HSDL1: variants seen among roughly 807,000 people sequenced by gnomAD.
HSDL1 encodes the protein inactive hydroxysteroid dehydrogenase-like protein 1.
Under a neutral mutation model 31.5 loss-of-function variants are expected in HSDL1, and 29 were observed. The ratio of observed to expected loss-of-function variants is 0.92; its 90% CI spans 0.69 to 1.26. The LOEUF (loss-of-function observed/expected upper bound fraction) is 1.26. Ranked by LOEUF, HSDL1 falls within the 50% of genes most tolerant of loss-of-function variation. HSDL1 has a pLI of 0.00. For missense variants in HSDL1, 503 were observed against 416.6 expected (o/e 1.21, Z -1.81); for synonymous variants, 222 against 155.2 (o/e 1.43, Z -3.20).
intron 1 of HSDL1, among the ~76,000 whole-genome samples, chr16:84,142,101 T>G (rs539431333): frequency 7.2e-4 from 109 of 152,256 alleles, no homozygotes; most frequent in African/African-American, 2.3e-3. Context: ...TAAATTTTTT[T>G]TGTGTGTGTA....
At chr16:84,135,817 C>T (rs545846820) in intron 1 of HSDL1, among the ~76,000 whole-genome samples, 3 of 152,376 alleles carry the variant, frequency 2.0e-5, no homozygotes, top group African/African-American at 7.2e-5. Flanking sequence ...CTGCTGGGGG[C>T]ACAGTCCATG....
rs144090929 is a variant in HSDL1 at position 84,123,680 on chromosome 16, A to G, written c.*950T>C. ...TCAATAATGCTACTGGAATGGAATA[A>G]TATTACATAGAAAAACGTAGGAAAA... On this transcript the variant is annotated 3_prime_UTR_variant, in exon 6 of 6. Coordinates refer to ENST00000219439, the MANE Select transcript of HSDL1 (RefSeq NM_031463.5). 5.4e-4 allele frequency: 83 copies of G among 152,772 alleles called. No homozygotes were observed. The highest frequency in any genetic ancestry group is 1.9e-3 in the African/African-American group (80 of 41,576). 9.5% of individuals were successfully genotyped at this position (152,772 alleles called of 1,614,324 possible).
chr16:84,140,854 A>G (rs1033795315), intron 1 of HSDL1, among the ~76,000 whole-genome samples: 1 of 152,120 alleles, frequency 6.6e-6, no homozygotes, highest in Non-Finnish European at 1.5e-5. Context: ...CTGTAATCCC[A>G]GCACTTTGGG....
Position 84,131,287 on chromosome 16 carries a change from C to T in HSDL1, c.35G>A (p.Arg12Lys). 1 of 1,614,150 alleles carries T rather than the reference C, an allele frequency of 6.2e-7. No homozygotes were observed. The highest frequency in any genetic ancestry group is 8.5e-7 in the Non-Finnish European group (1 of 1,180,032). The change falls in exon 3 of 6, where the codon AGG (arginine) becomes AAG (lysine). Residue 12 changes from arginine (R) to lysine (K), a missense_variant. By Grantham distance (26) the Arg-to-Lys change is conservative. Transcript: ENST00000219439. The stretch of plus-strand genomic sequence containing the variant: ...GCAATTGCAAGACCTGGCGATTTCC[C>T]TGTACAAGAGGTAGAAACTGTCAAC... ...AAVDSFYLLYREIARSCNCYM... is the reference protein window; with the variant it reads ...AAVDSFYLLYKEIARSCNCYM...
intron 1 of HSDL1, among the ~76,000 whole-genome samples, chr16:84,136,286 T>C (rs919080595): frequency 6.6e-6 from 1 of 151,682 alleles, no homozygotes; most frequent in South Asian, 2.1e-4. Flanking sequence ...AAGGAGGAAA[T>C]GAAAGGAAAC....
chr16:84,127,369 C>T (rs777399433), intron 5 of HSDL1, among the ~76,000 whole-genome samples: 1 of 151,934 alleles, frequency 6.6e-6, no homozygotes, highest in Non-Finnish European at 1.5e-5. Context: ...GCGTGCACCA[C>T]CATGACCAGT....
chr16:84,135,574 G>A lies in HSDL1; in HGVS notation c.-37C>T, dbSNP rs1012393542. On this transcript the variant is annotated 5_prime_UTR_variant, in exon 2 of 6. Transcript: ENST00000219439. ...CTCTGCCAGTTCTGGGCCGTCAGCA[G>A]TATGTGGCTCCGTCCTTCTCTTAAG... is the stretch of plus-strand genomic sequence containing the variant. 10 of 152,366 alleles carry A rather than the reference G, an allele frequency of 6.6e-5. No individual in the cohort carries two copies. Among genetic ancestry groups the A allele is most frequent in the African/African-American group, 2.4e-4 (10 of 41,568 alleles). The allele number at this position is 152,366 out of a possible 1,614,324, so 9.4% of individuals were successfully genotyped here. A position where few individuals can be genotyped will look rare whatever the true frequency, so the allele number is the denominator to read the frequency against.
chr16:84,126,102 C>CAA (rs144379672), intron 5 of HSDL1, among the ~76,000 whole-genome samples: 3 of 102,598 alleles, frequency 2.9e-5, no homozygotes, highest in Non-Finnish European at 2.0e-5. Flanking sequence ...AACTCTGTCT[C>CAA]AAAAAAAAAA....
chr16:84,135,360 G>A (rs190230867), intron 2 of HSDL1, among the ~76,000 whole-genome samples, 184 bp downstream of exon 2: 2 of 144,996 alleles, frequency 1.4e-5, no homozygotes, highest in African/African-American at 2.6e-5. Flanking sequence ...TAAGGCTCTC[G>A]CTACAAAAAG....
chr16:84,130,520 A>T lies in HSDL1; in HGVS notation c.221-89T>A, dbSNP rs935570845. On this transcript the variant is annotated intron_variant, in intron 3 of 5. Transcript: ENST00000219439. ...AAAGTACCCCCTGTCAGGTTTAGTC[A>T]GAGAAAAATTCACACTAGAAATCAA... 6.4e-6 allele frequency: 7 copies of T among 1,099,420 alleles called. No homozygotes were observed. In the Admixed American group the frequency reaches 6.9e-5, roughly 11 times the overall value. The allele number at this position is 1,099,420 out of a possible 1,614,324, so 68.1% of individuals were successfully genotyped here.
intron 1 of HSDL1, among the ~76,000 whole-genome samples, chr16:84,137,953 G>A (rs1283869720): frequency 2.0e-5 from 3 of 151,818 alleles, no homozygotes; most frequent in Middle Eastern, 6.8e-3. Flanking sequence ...CTGTGCTACG[G>A]TCTGAGCGTT....
chr16:84,144,308 G>C (rs1052328781), intron 1 of HSDL1: 19 of 152,308 alleles, frequency 1.2e-4, no homozygotes, highest in African/African-American at 4.6e-4. Flanking sequence ...TCAGATGGAG[G>C]TATAGCAAGG....
rs1016908144 is a variant in HSDL1, at chr16:84,123,858, T to G, written c.*772A>C. ...CAAATCTAGGAATAAGTTCATTCCA[T>G]AGCAGATTTGAAAAAACACAAATAT... On this transcript the variant is annotated 3_prime_UTR_variant, in exon 6 of 6. Transcript: ENST00000219439. 6.6e-6 allele frequency: 1 copy of G among 152,220 alleles called. No individual in the cohort carries two copies. Among genetic ancestry groups the G allele is most frequent in the South Asian group, 2.1e-4 (1 of 4,838 alleles). 9.4% of individuals were successfully genotyped at this position (152,220 alleles called of 1,614,324 possible).
Position 84,131,179 on chromosome 16 carries a change from A to C in HSDL1, c.143T>G (p.Ile48Ser), listed in dbSNP as rs776706013. 3.1e-6 allele frequency: 5 copies of C among 1,614,234 alleles called. No homozygotes were observed. Among genetic ancestry groups the C allele is most frequent in the Non-Finnish European group, 3.4e-6 (4 of 1,180,046 alleles). ...CAGGCGGGGGATAAAATGCAGCCTG[A>C]TCAGGCTGTAAAAGTCACAGATGAC... ...ITVICDFYSL[I>S]RLHFIPRLGS... The change falls in exon 3 of 6, where the codon ATC (isoleucine) becomes AGC (serine). Residue 48 changes from isoleucine (I) to serine (S), a missense_variant. Physicochemically the swap from Ile to Ser is moderately radical, Grantham distance 142. Coordinates refer to ENST00000219439, the MANE Select transcript of HSDL1 (RefSeq NM_031463.5).
intron 5 of HSDL1, among the ~76,000 whole-genome samples, chr16:84,126,172 T>C (rs2086604978): frequency 1.3e-5 from 2 of 150,420 alleles, no homozygotes; most frequent in African/African-American, 2.4e-5. Context: ...GACGCATACG[T>C]GGTTAGTACT....
rs1179954525 is a variant in HSDL1, at chr16:84,122,955, AACCTTACAT to A, written c.*1666_*1674del. 4 of 152,228 alleles carry A rather than the reference AACCTTACAT, an allele frequency of 2.6e-5. No individual in the cohort carries two copies. Among genetic ancestry groups the A allele is most frequent in the African/African-American group, 4.8e-5 (2 of 41,452 alleles). 9.4% of individuals were successfully genotyped at this position (152,228 alleles called of 1,614,324 possible). A position where few individuals can be genotyped will look rare whatever the true frequency, so the allele number is the denominator to read the frequency against. On this transcript the variant is annotated 3_prime_UTR_variant, in exon 6 of 6. Coordinates refer to ENST00000219439, the MANE Select transcript of HSDL1 (RefSeq NM_031463.5). ...AATCTAAGACATTACTGGACCACGTAACCTTACATATAACTACCTGACCATATTTTCACA... is the reference window on the plus strand; with the variant it reads ...AATCTAAGACATTACTGGACCACGTAATAACTACCTGACCATATTTTCACA...
intron 1 of HSDL1, among the ~76,000 whole-genome samples, chr16:84,137,525 T>C (rs1260094822): frequency 1.3e-5 from 2 of 152,106 alleles, no homozygotes; most frequent in African/African-American, 4.8e-5. Context: ...GGAGGGGGGC[T>C]CCTGAGCCCT....
chr16:84,140,605 T>C (rs2086757063), intron 1 of HSDL1, among the ~76,000 whole-genome samples: 3 of 152,132 alleles, frequency 2.0e-5, no homozygotes. Context: ...AAACCTATTA[T>C]GCACAGTTCA....
At chr16:84,143,826 G>A (rs576369683) in intron 1 of HSDL1, among the ~76,000 whole-genome samples, 1 of 146,114 alleles carries the variant, frequency 6.8e-6, no homozygotes. Flanking sequence ...GCGAAACCCC[G>A]TCTCTACTAA....
Sources: gnomAD v4.1 joint callset for allele counts (sites outside exome capture counted in the v4.1 genomes callset) on GRCh38, gnomAD v4.1.1 for gene constraint, MANE v1.5 for transcripts, NCBI Gene and HGNC (gene_info 2026-07-23, HGNC 2026-07-21) for gene names.